Variants in TPTE2 observed in about 807,000 individuals in gnomAD.
The protein encoded by TPTE2 is transmembrane phosphoinositide 3-phosphatase and tensin homolog 2.
A neutral mutation model predicts 78.6 loss-of-function variants in TPTE2; 53 were observed. The observed-to-expected ratio is 0.67, with a 90% CI of 0.54 to 0.85. The LOEUF is 0.85. TPTE2 is among the 40% of genes least tolerant of loss of function. The pLI is 0.00. For missense variants in TPTE2, 461 were observed against 623.0 expected (o/e 0.74, Z 2.77); for synonymous variants, 175 against 206.2 (o/e 0.85, Z 1.30).
At chr13:19,560,824 C>A in the TPTE2 span, 1 of 1,529,756 alleles carries the variant, frequency 6.5e-7, no homozygotes, top group Non-Finnish European at 8.9e-7. Context: ...CGGACGCGGT[C>A]CAGGCGCGCT....
At chr13:19,438,301 A>G (rs959246981) in intron 13 of TPTE2, 148 bp from the exon 17 acceptor site, 37 of 1,301,810 alleles carry the variant, frequency 2.8e-5, no homozygotes, top group African/African-American at 7.6e-5. Context: ...CAGTGGCACA[A>G]TCTTGGCTCA....
In TPTE2 at chr13:19,450,143, C is replaced by T. The variant is rs1430671742; in HGVS notation, c.906G>A (p.Lys302=). ...CTTGAGCCATCCACTCATTTACTTC[C>T]TTGGTGAAAACCACCATCTCACTGA... is the stretch of plus-strand genomic sequence containing the variant. Residue 302 remains lysine, a synonymous_variant, in exon 13 of 20, where the codon AAG becomes AAA. Coordinates refer to ENST00000400230, the Ensembl canonical transcript of TPTE2. 35 of 1,611,122 alleles carry T rather than the reference C, an allele frequency of 2.2e-5. No homozygotes were observed. The Admixed American group carries it at 5.7e-4, about 26-fold the overall frequency.
chr13:19,548,635 C>A, the TPTE2 span, among the ~76,000 whole-genome samples: 2 of 151,112 alleles, frequency 1.3e-5, no homozygotes, highest in East Asian at 3.9e-4. Flanking sequence ...GAAAGCATAT[C>A]AAAAATAGCC....
intron 3 of TPTE2, among the ~76,000 whole-genome samples, chr13:19,491,608 G>A (rs1171096395): frequency 1.3e-5 from 2 of 152,164 alleles, no homozygotes; most frequent in East Asian, 3.9e-4. Context: ...GGTGGATCAC[G>A]AGGGCAGGAG....
chr13:19,482,491 T>A (rs753003663), exon 4 of TPTE2: 1 of 1,612,524 alleles, frequency 6.2e-7, no homozygotes, highest in Non-Finnish European at 8.5e-7. Context: ...GACTTACTCA[T>A]ATGAAGCAAC....
chr13:19,467,894 C>CT (rs1276484444), intron 6 of TPTE2, among the ~76,000 whole-genome samples: 3,501 of 111,830 alleles, frequency 0.031, 57 homozygotes, highest in Middle Eastern at 0.076. Context: ...AATTCAATTG[C>CT]TTTTTTTTTT....
intron 6 of TPTE2, among the ~76,000 whole-genome samples, chr13:19,471,793 A>G (rs370637807): frequency 1.3e-4 from 20 of 152,278 alleles, no homozygotes; most frequent in South Asian, 6.2e-4. Flanking sequence ...GTTGTTACTT[A>G]TTGCTCATTA....
upstream of TPTE2, chr13:19,503,325 A>G (rs182148540): frequency 6.2e-7 from 1 of 1,603,882 alleles, no homozygotes. Context: ...ACAATTCAAA[A>G]TTTACTTTTC....
At chr13:19,458,788 TACC>T (rs1878705782) in intron 10 of TPTE2, 1 of 366,788 alleles carries the variant, frequency 2.7e-6, no homozygotes. Context: ...CCACTCTATG[TACC>T]ATATTTTCTT....
chr13:19,521,214 G>A (rs1481492712), intron 1 of TPTE2, among the ~76,000 whole-genome samples: 3 of 151,882 alleles, frequency 2.0e-5, no homozygotes, highest in Non-Finnish European at 4.4e-5. Flanking sequence ...AACTATTATT[G>A]TTGAATTGTT....
At chr13:19,470,209 C>A (rs908528616) in intron 6 of TPTE2, among the ~76,000 whole-genome samples, 2 of 152,144 alleles carry the variant, frequency 1.3e-5, no homozygotes, top group Admixed American at 6.5e-5. Context: ...TACTTCTATA[C>A]CCAGTTTTTT....
intron 1 of TPTE2, 26 bp downstream of exon 4, chr13:19,503,198 T>C (rs770276678): frequency 1.1e-5 from 18 of 1,613,284 alleles, no homozygotes; most frequent in Non-Finnish European, 1.5e-5. Context: ...ATTAGATAAA[T>C]AAAGACACAT....
At chr13:19,556,033 G>A in the TPTE2 span, among the ~76,000 whole-genome samples, 1 of 151,854 alleles carries the variant, frequency 6.6e-6, no homozygotes, top group African/African-American at 2.4e-5. Context: ...GGCTGGTCTT[G>A]AACTCCTGAT....
At chr13:19,454,913 TA>T (rs1878447569) in intron 10 of TPTE2, among the ~76,000 whole-genome samples, 2 of 152,174 alleles carry the variant, frequency 1.3e-5, no homozygotes. Context: ...TAACCTGCTT[TA>T]AAAAACAATA....
chr13:19,557,586 T>G, the TPTE2 span, among the ~76,000 whole-genome samples: 1 of 152,174 alleles, frequency 6.6e-6, no homozygotes. Flanking sequence ...CCTAGTAAAC[T>G]CATCTATTCA....
chr13:19,513,508 T>C (rs1011168268), intron 1 of TPTE2, among the ~76,000 whole-genome samples: 16 of 152,190 alleles, frequency 1.1e-4, no homozygotes, highest in Admixed American at 2.6e-4. Context: ...TGTCAATTCA[T>C]TGGGGTCAGT....
intron 3 of TPTE2, among the ~76,000 whole-genome samples, chr13:19,490,384 A>G (rs1880927045): frequency 5.3e-5 from 8 of 152,184 alleles, no homozygotes; most frequent in Admixed American, 5.2e-4. Flanking sequence ...ACCCTGAAAA[A>G]TGGACATTAA....
chr13:19,497,481 G>T (rs543197532), intron 1 of TPTE2, among the ~76,000 whole-genome samples: 8 of 103,502 alleles, frequency 7.7e-5, no homozygotes, highest in African/African-American at 2.4e-4. Flanking sequence ...TCCTCAAGTG[G>T]GTCCCTGACC....
upstream of TPTE2, among the ~76,000 whole-genome samples, chr13:19,540,528 C>T (rs1356061558): frequency 6.6e-6 from 1 of 151,984 alleles, no homozygotes; most frequent in African/African-American, 2.4e-5. Flanking sequence ...TGGTCTCGAA[C>T]TCTTGACCTC....
Sources: gnomAD v4.1 joint callset for allele counts (sites outside exome capture counted in the v4.1 genomes callset) on GRCh38, gnomAD v4.1.1 for gene constraint, MANE v1.5 for transcripts, NCBI Gene and HGNC (gene_info 2026-07-23, HGNC 2026-07-21) for gene names.